The following WASHC2A variants were observed in gnomAD, a reference collection of about 807,000 sequenced individuals.
WASHC2A encodes WASH complex subunit FAM21A.
Under a neutral mutation model 140.3 loss-of-function variants are expected in WASHC2A, and 82 were observed. That is an observed-to-expected ratio of 0.58 (90% CI 0.49 to 0.70). The LOEUF (loss-of-function observed/expected upper bound fraction) is 0.70, where lower values mean the gene tolerates loss of function less well. Ranked by LOEUF, WASHC2A falls within the 30% of genes least tolerant of loss-of-function variation. The pLI, the probability that WASHC2A is intolerant of heterozygous loss-of-function variation, is 0.00. For missense variants in WASHC2A, 985 were observed against 1,521.8 expected (o/e 0.65, Z 5.87); for synonymous variants, 340 against 560.8 (o/e 0.61, Z 5.56).
At chr10:50,132,716 G>A in intron 30 of WASHC2A, 90 bp from the exon 31 acceptor site, 1 of 1,611,678 alleles carries the variant, frequency 6.2e-7, no homozygotes, top group South Asian at 1.1e-5. Flanking sequence ...TGTTACCAGA[G>A]CTGGGTCTTT....
intron 3 of WASHC2A, among the ~76,000 whole-genome samples, chr10:50,070,149 A>G (rs551829596): frequency 6.6e-6 from 1 of 152,328 alleles, no homozygotes; most frequent in East Asian, 1.9e-4. Context: ...AATACTCTCA[A>G]CTAAAGTTTA....
At chr10:50,112,973 GT>G (rs1176275548) in intron 20 of WASHC2A, among the ~76,000 whole-genome samples, 4 of 151,558 alleles carry the variant, frequency 2.6e-5, no homozygotes, top group Non-Finnish European at 4.4e-5. Flanking sequence ...TTAGGTTGTA[GT>G]GATATTGCAC....
intron 20 of WASHC2A, among the ~76,000 whole-genome samples, chr10:50,110,892 CA>C (rs1239943523): frequency 0.096 from 6,695 of 69,646 alleles, 257 homozygotes; most frequent in East Asian, 0.46. Flanking sequence ...GACTCCATCT[CA>C]AAAAAAAAAA....
At chr10:50,082,198 G>A (rs1207442119) in intron 5 of WASHC2A, among the ~76,000 whole-genome samples, 4 of 149,364 alleles carry the variant, frequency 2.7e-5, no homozygotes, top group Non-Finnish European at 5.9e-5. Flanking sequence ...TTCTTTTGTA[G>A]GAGGATTTGG....
At chr10:50,089,530 G>A (rs1301139794) in intron 8 of WASHC2A, among the ~76,000 whole-genome samples, 33 of 152,054 alleles carry the variant, frequency 2.2e-4, no homozygotes, top group African/African-American at 7.2e-4. Context: ...TTCCTTCTCT[G>A]CATACTCTTC....
intron 3 of WASHC2A, among the ~76,000 whole-genome samples, chr10:50,077,583 T>G (rs1838480541): frequency 6.6e-6 from 1 of 152,164 alleles, no homozygotes; most frequent in South Asian, 2.1e-4. Context: ...CTCAAAGTTT[T>G]ATAATCACGG....
intron 23 of WASHC2A, among the ~76,000 whole-genome samples, chr10:50,124,051 T>C (rs1418486241): frequency 2.0e-5 from 3 of 152,208 alleles, no homozygotes; most frequent in African/African-American, 4.8e-5. Context: ...GTTAATGTGA[T>C]TTATTTTGTT....
intron 19 of WASHC2A, among the ~76,000 whole-genome samples, 170 bp from the exon 20 acceptor site, chr10:50,109,931 G>A (rs1250470602): frequency 4.6e-5 from 7 of 151,208 alleles, no homozygotes; most frequent in East Asian, 1.9e-4. Context: ...CACCACGCCC[G>A]GCTAATTTTC....
At chr10:50,069,070 C>T (rs1554875252) in intron 2 of WASHC2A, among the ~76,000 whole-genome samples, 2 of 151,258 alleles carry the variant, frequency 1.3e-5, no homozygotes, top group Middle Eastern at 3.4e-3. Context: ...CATTAGCTCA[C>T]TGCCACTCTT....
At chr10:50,113,639 A>ACCTG (rs1448899414) in intron 20 of WASHC2A, among the ~76,000 whole-genome samples, 1 of 146,094 alleles carries the variant, frequency 6.8e-6, no homozygotes, top group Non-Finnish European at 1.5e-5. Flanking sequence ...CAGCTGATGA[A>ACCTG]CCTGCACTGG....
In WASHC2A at chr10:50,104,083, G is replaced by C. The variant is rs2669666; in HGVS notation, c.1677G>C (p.Ala559=). ...AAAGTGCGAGTAAGTTAAAAGGTGC[G>C]TCTCTGCTGCCTGGCAAGCTCCCCA... ...SSQSASKLKG[A]SLLPGKLPTL... Residue 559 remains alanine (A), a synonymous_variant, in exon 18 of 31, where the codon GCG becomes GCC. Transcript: ENST00000282633. 3 of 1,346,034 alleles carry C rather than the reference G, an allele frequency of 2.2e-6. No individual in the cohort carries two copies. In the Admixed American group the frequency reaches 6.4e-5, roughly 29 times the overall value. 83.4% of individuals were successfully genotyped at this position (1,346,034 alleles called of 1,614,324 possible).
At chr10:50,103,423 G>C (rs1483905694) in intron 17 of WASHC2A, among the ~76,000 whole-genome samples, 1 of 152,188 alleles carries the variant, frequency 6.6e-6, no homozygotes. Flanking sequence ...AGCCAGGCGT[G>C]GTGGCAGGCG....
intron 30 of WASHC2A, 76 bp from the exon 31 acceptor site, chr10:50,132,730 G>A (rs1844090491): frequency 6.2e-7 from 1 of 1,611,758 alleles, no homozygotes. Flanking sequence ...GGTCTTTGGT[G>A]GTTTGCTTGC....
At chr10:50,107,471 A>G (rs1305252171) in intron 19 of WASHC2A, among the ~76,000 whole-genome samples, 2 of 151,694 alleles carry the variant, frequency 1.3e-5, no homozygotes, top group East Asian at 1.9e-4. Flanking sequence ...AATCCTGAGT[A>G]GTAAACATCT....
chr10:50,076,115 A>G (rs11003678), intron 3 of WASHC2A, among the ~76,000 whole-genome samples: 31,818 of 151,446 alleles, frequency 0.21, 3,475 homozygotes, highest in Admixed American at 0.29. Context: ...GGGTTTTGCC[A>G]TGGTTTCACC....
intron 17 of WASHC2A, among the ~76,000 whole-genome samples, chr10:50,100,745 G>T (rs1217587081): frequency 2.6e-5 from 4 of 152,204 alleles, no homozygotes; most frequent in East Asian, 1.9e-4. Flanking sequence ...TAGCAGATGG[G>T]TTCTGGCATA....
At chr10:50,109,046 G>A (rs1215821689) in intron 19 of WASHC2A, among the ~76,000 whole-genome samples, 2 of 151,534 alleles carry the variant, frequency 1.3e-5, no homozygotes, top group East Asian at 1.9e-4. Flanking sequence ...GCTAAACATT[G>A]AGGAGCACTT....
intron 2 of WASHC2A, among the ~76,000 whole-genome samples, chr10:50,068,691 T>C: frequency 6.7e-6 from 1 of 149,506 alleles, no homozygotes; most frequent in African/African-American, 2.5e-5. Context: ...TAACCCTTGG[T>C]CTGTGATCTC....
At position 50,120,716 on chromosome 10, in the gene WASHC2A, A is replaced by G. The variant is rs1470875924; in HGVS notation, c.2478+947A>G. Among the ~76,000 whole-genome samples the G allele has an allele frequency of 2.7e-5, 4 of 147,544 alleles. 1 individual carries two copies. Among genetic ancestry groups the G allele is most frequent in the African/African-American group, 1.1e-4 (4 of 37,592 alleles). On this transcript the variant is annotated intron_variant, in intron 23 of 30. Coordinates refer to ENST00000282633, the MANE Select transcript of WASHC2A (RefSeq NM_001005751.3). ...CAGTGACATCACCAGAAAGCTAGAT[A>G]TCCTTTATGAATGTAGAGGCCAAAA... is the stretch of plus-strand genomic sequence containing the variant.
Sources: allele counts gnomAD v4.1 joint callset (sites outside exome capture counted in the v4.1 genomes callset), GRCh38; gene constraint gnomAD v4.1.1; transcripts MANE v1.5; gene names NCBI Gene and HGNC (gene_info 2026-07-23, HGNC 2026-07-21).